PRKCSH: variants seen among roughly 807,000 people sequenced by gnomAD.
PRKCSH encodes glucosidase 2 subunit beta.
In PRKCSH, 42 loss-of-function variants were observed where a neutral mutation model predicts 79.7. The observed-to-expected ratio is 0.53, with a 90% confidence interval of 0.41 to 0.68. PRKCSH has a LOEUF of 0.68. PRKCSH is among the 30% of genes least tolerant of loss of function. The pLI, the probability that PRKCSH is intolerant of heterozygous loss-of-function variation, is 0.00. For missense variants in PRKCSH, 686 were observed against 709.0 expected (o/e 0.97, Z 0.37); for synonymous variants, 325 against 288.2 (o/e 1.13, Z -1.29).
In PRKCSH at chr19:11,448,949, C is replaced by T. The variant is rs137933137; in HGVS notation, c.1322C>T (p.Ser441Leu). 34 of 1,614,204 alleles carry T rather than the reference C, an allele frequency of 2.1e-5. No homozygotes were observed. The highest frequency in any genetic ancestry group is 2.0e-4 in the African/African-American group (15 of 75,070). ...VYRLCPFKLV[S>L]QKPKLGGSPT... ...CGCCTCTGCCCCTTCAAGCTTGTCT[C>T]GCAGAAACCCAAACTCGGGGGCTCT... Residue 441 changes from serine to leucine, a missense_variant, in exon 15 of 18, where the codon TCG becomes TTG. This residue lies in a region of PRKCSH where 137 missense variants were observed against 188.8 expected (regional missense o/e 0.73). Transcript: ENST00000677123. The surrounding 1 kb of genome is among the most constrained non-coding windows in gnomAD (Gnocchi z 4.4).
chr19:11,444,645 G>A (rs897372345), intron 7 of PRKCSH, among the ~76,000 whole-genome samples: 4 of 152,198 alleles, frequency 2.6e-5, no homozygotes, highest in Admixed American at 2.0e-4. Flanking sequence ...CATTGGAGCC[G>A]CTGTTGTGGC....
At chr19:11,439,400 ATC>A (rs1401863956) in intron 5 of PRKCSH, among the ~76,000 whole-genome samples, 1 of 150,166 alleles carries the variant, frequency 6.7e-6, no homozygotes, top group Admixed American at 6.7e-5. Flanking sequence ...GCGATACCCT[ATC>A]TCTATAAAAA....
At position 11,447,264 on chromosome 19, in the gene PRKCSH, A is replaced by G; in HGVS notation, c.849+104A>G. 7.0e-7 allele frequency: 1 copy of G among 1,427,398 alleles called. No homozygotes were observed. 88.4% of individuals were successfully genotyped at this position (1,427,398 alleles called of 1,614,324 possible). A position where few individuals can be genotyped will look rare whatever the true frequency, so the allele number is the denominator to read the frequency against. On this transcript the variant is annotated intron_variant, in intron 10 of 17. Transcript: ENST00000677123. The surrounding 1 kb of genome is among the most constrained non-coding windows in gnomAD (Gnocchi z 5.6). ...GTTCTGGCACCTGGCCACCCTGGCC[A>G]GCTGGGTGGCCCCAGCACCCCCCAC...
At chr19:11,440,762 A>G (rs1970026754) in intron 5 of PRKCSH, among the ~76,000 whole-genome samples, 1 of 151,928 alleles carries the variant, frequency 6.6e-6, no homozygotes, top group Admixed American at 6.6e-5. Flanking sequence ...CAACCAACAC[A>G]CTTAGTAACC....
intron 6 of PRKCSH, 41 bp from the exon 7 acceptor site, chr19:11,442,345 A>C: frequency 6.4e-7 from 1 of 1,554,616 alleles, no homozygotes; most frequent in Non-Finnish European, 8.7e-7. Context: ...AGGAGGAGGC[A>C]GAACAGAGGA....
At chr19:11,439,000 C>T (rs558354285) in intron 5 of PRKCSH, among the ~76,000 whole-genome samples, 2 of 151,866 alleles carry the variant, frequency 1.3e-5, no homozygotes, top group African/African-American at 4.8e-5. Context: ...CTCTGCCCTT[C>T]GGGTTCAAGC....
At chr19:11,438,009 G>T in intron 4 of PRKCSH, 38 bp downstream of exon 4, 1 of 1,608,802 alleles carries the variant, frequency 6.2e-7, no homozygotes, top group South Asian at 1.1e-5. Context: ...AAAGGTGGTA[G>T]AGGGAGGGAG....
At chr19:11,450,009 A>G (rs2144859512) in intron 17 of PRKCSH, 1 of 158,038 alleles carries the variant, frequency 6.3e-6, no homozygotes, top group East Asian at 1.9e-4. Flanking sequence ...ACGCCTGGCT[A>G]ATTTTTTTGT....
Position 11,447,034 on chromosome 19 carries a change from G to T in PRKCSH, c.763-40G>T, listed in dbSNP as rs753760259. 3 of 1,600,850 alleles carry T rather than the reference G, an allele frequency of 1.9e-6. No homozygotes were observed. The highest frequency in any genetic ancestry group is 2.7e-5 in the African/African-American group (2 of 74,570). On this transcript the variant is annotated intron_variant, in intron 9 of 17. Coordinates refer to ENST00000677123, the MANE Select transcript of PRKCSH (RefSeq NM_001289104.2). The surrounding 1 kb of genome is among the most constrained non-coding windows in gnomAD (Gnocchi z 5.6). ...CCGGGGTGGCCGAGATGGGGGACAC[G>T]TGGTGGCCTAGATCTTGACACCACC...
chr19:11,441,344 G>T lies in PRKCSH; in HGVS notation c.455G>T (p.Arg152Leu). ...CTTATTGAGGACTGGAAGAAGGCAC[G>T]GGAGGAGAAGCAGGTAAGGAACCCG... ...KILIEDWKKA[R>L]EEKQKKLIEL... The change falls in exon 6 of 18, where the codon CGG (arginine) becomes CTG (leucine). Residue 152 changes from arginine to leucine, a missense_variant. By Grantham distance (102) the Arg-to-Leu change is moderately radical. Around this residue, in one of 2 missense-constraint regions of PRKCSH, gnomAD observed 549 missense variants for 520.2 expected, o/e 1.06. Transcript: ENST00000677123. 6.2e-7 allele frequency: 1 copy of T among 1,613,880 alleles called. No individual in the cohort carries two copies. Among genetic ancestry groups the T allele is most frequent in the Non-Finnish European group, 8.5e-7 (1 of 1,179,856 alleles).
At chr19:11,446,422 G>C in intron 9 of PRKCSH, 72 bp downstream of exon 9, 1 of 1,519,770 alleles carries the variant, frequency 6.6e-7, no homozygotes. Context: ...GGCACAGGAG[G>C]GGGACCAAGG....
chr19:11,448,428 C>A lies in PRKCSH; in HGVS notation c.1197-112C>A. The A allele has an allele frequency of 6.9e-7, 1 of 1,443,718 alleles. No homozygotes were observed. Among genetic ancestry groups the A allele is most frequent in the African/African-American group, 1.4e-5 (1 of 71,732 alleles). The allele number at this position is 1,443,718 out of a possible 1,614,324, so 89.4% of individuals were successfully genotyped here. A position where few individuals can be genotyped will look rare whatever the true frequency, so the allele number is the denominator to read the frequency against. ...TGCAGGGAGGGTCCCTGGGAGGTGG[C>A]AGGGAGGACAGCCTGGGCACCATTG... is the stretch of plus-strand genomic sequence containing the variant. On this transcript the variant is annotated intron_variant, in intron 13 of 17. Transcript: ENST00000677123. This position sits in a 1 kb window ranked among gnomAD's most constrained non-coding sequence, Gnocchi z 4.4.
chr19:11,448,826 T>TG lies in PRKCSH; in HGVS notation c.1287-84dup, dbSNP rs1360113492. Reference sequence around the variant, plus strand: ...ATTGGAGTTGGAGGTACCCTGTGTGTGGGGACTGGAGGAGGCGGTGGGGGG... The same window carrying TG: ...ATTGGAGTTGGAGGTACCCTGTGTGTGGGGGACTGGAGGAGGCGGTGGGGGG... On this transcript the variant is annotated intron_variant, in intron 14 of 17. Transcript: ENST00000677123. This position sits in a 1 kb window ranked among gnomAD's most constrained non-coding sequence, Gnocchi z 4.4. 4.6e-6 allele frequency: 7 copies of TG among 1,515,464 alleles called. No individual in the cohort carries two copies. In the East Asian group the frequency reaches 1.6e-4, roughly 34 times the overall value. The allele number at this position is 1,515,464 out of a possible 1,614,324, so 93.9% of individuals were successfully genotyped here. A position where few individuals can be genotyped will look rare whatever the true frequency, so the allele number is the denominator to read the frequency against.
At chr19:11,436,268 A>G (rs1568359281) in intron 2 of PRKCSH, 72 bp downstream of exon 2, 1 of 1,593,374 alleles carries the variant, frequency 6.3e-7, no homozygotes, top group East Asian at 2.2e-5. Context: ...AGGGATAGGC[A>G]TTTACAGCCT....
intron 3 of PRKCSH, among the ~76,000 whole-genome samples, chr19:11,437,013 G>A (rs771358678): frequency 6.6e-6 from 1 of 152,058 alleles, no homozygotes; most frequent in Non-Finnish European, 1.5e-5. Context: ...GTGAGCCACC[G>A]TGCCTGGATG....
chr19:11,435,994 T>A (rs1299172895), intron 1 of PRKCSH, 47 bp from the exon 2 acceptor site: 36 of 1,341,782 alleles, frequency 2.7e-5, no homozygotes, highest in Non-Finnish European at 2.2e-5. Flanking sequence ...TCCAATTGGC[T>A]GGAAGTAGCC....
chr19:11,445,669 G>C (rs936574015), intron 8 of PRKCSH, 196 bp downstream of exon 8: 10 of 650,160 alleles, frequency 1.5e-5, no homozygotes, highest in Non-Finnish European at 2.8e-5. Context: ...GAGGAGATAG[G>C]GGGACCACCC....
Position 11,445,446 on chromosome 19 carries a change from A to G in PRKCSH, c.656A>G (p.Lys219Arg), listed in dbSNP as rs1420829817. 6.2e-7 allele frequency: 1 copy of G among 1,614,010 alleles called. No homozygotes were observed. Among genetic ancestry groups the G allele is most frequent in the South Asian group, 1.1e-5 (1 of 91,080 alleles). The change falls in exon 8 of 18, where the codon AAG becomes AGG. Residue 219 changes from lysine to arginine, a missense_variant. By Grantham distance (26) the Lys-to-Arg change is conservative. This residue lies in a region of PRKCSH where 549 missense variants were observed against 520.2 expected (regional missense o/e 1.06). Transcript: ENST00000677123. ...CAGGAGCTGGCGGCTGATGCCTTCAAGGAGCTGGATGATGACATGGACGGG... is the reference window on the plus strand; with the variant it reads ...CAGGAGCTGGCGGCTGATGCCTTCAGGGAGCTGGATGATGACATGGACGGG... ...QEQELAADAF[K>R]ELDDDMDGTV...
chr19:11,443,021 A>G (rs1328362168), intron 7 of PRKCSH, among the ~76,000 whole-genome samples: 6 of 152,062 alleles, frequency 3.9e-5, no homozygotes, highest in South Asian at 2.1e-4. Context: ...TCCTTTTAAC[A>G]TCAATGTAGA....
Sources: gnomAD v4.1 joint callset for allele counts (sites outside exome capture counted in the v4.1 genomes callset) on GRCh38, gnomAD v4.1.1 for gene constraint, gnomAD v4.1.1 regional missense constraint, Gnocchi (gnomAD v3.1) non-coding constraint, MANE v1.5 for transcripts, NCBI Gene and HGNC (gene_info 2026-07-23, HGNC 2026-07-21) for gene names.